Variants in LRMDA observed in about 807,000 individuals in gnomAD.
LRMDA encodes the protein leucine rich melanocyte differentiation associated, also known as leucine-rich melanocyte differentiation-associated protein.
LRMDA carries 18 observed loss-of-function variants against 29.8 expected under a neutral mutation model. That is an observed-to-expected ratio of 0.60 (90% CI 0.42 to 0.90). The LOEUF (loss-of-function observed/expected upper bound fraction) is 0.90. Ranked by LOEUF, LRMDA falls within the 40% of genes least tolerant of loss-of-function variation. The pLI is 0.00. For synonymous variants in LRMDA, 125 were observed against 109.4 expected (o/e 1.14, Z -0.89); for missense variants, 273 against 273.9 (o/e 1.00, Z 0.02).
At chr10:76,143,349 A>ATGTTT (rs1238355244) in intron 5 of LRMDA, among the ~76,000 whole-genome samples, 2 of 152,162 alleles carry the variant, frequency 1.3e-5, no homozygotes, top group Non-Finnish European at 2.9e-5. Flanking sequence ...TCTCTCCAGC[A>ATGTTT]CCTGTTGTTT....
chr10:75,807,142 G>T (rs922206620), intron 2 of LRMDA, among the ~76,000 whole-genome samples: 1 of 152,140 alleles, frequency 6.6e-6, no homozygotes, highest in African/African-American at 2.4e-5. Flanking sequence ...CTGGAGGTCG[G>T]TCCTGTTGCT....
intron 5 of LRMDA, among the ~76,000 whole-genome samples, chr10:76,121,494 A>G (rs1340590073): frequency 6.6e-6 from 1 of 152,222 alleles, no homozygotes; most frequent in Admixed American, 6.5e-5. Context: ...TCAGATGGGG[A>G]CATGGCCCTG....
Position 75,473,832 on chromosome 10 carries a change from G to A in LRMDA, c.131+35338G>A, listed in dbSNP as rs114466601. Among the ~76,000 whole-genome samples the A allele has an allele frequency of 7.5e-3, 1,146 of 152,320 alleles. 15 individuals carry two copies. Among genetic ancestry groups the A allele is most frequent in the African/African-American group, 0.026 (1,085 of 41,560 alleles). On this transcript the variant is annotated intron_variant, in intron 2 of 6. Transcript: ENST00000611255. ...TGGTCATCATCTCACCAGGGACCAA[G>A]GTGACTTTGCCCTAGAGCAGTGGTT...
chr10:75,507,110 C>CTTT (rs147220513), intron 2 of LRMDA, among the ~76,000 whole-genome samples: 6 of 144,340 alleles, frequency 4.2e-5, no homozygotes, highest in Admixed American at 6.9e-5. Flanking sequence ...GTTCTGGCAT[C>CTTT]TTTTTTTTTT....
chr10:75,660,360 A>G (rs1219898987), intron 2 of LRMDA, among the ~76,000 whole-genome samples: 1 of 152,200 alleles, frequency 6.6e-6, no homozygotes, highest in East Asian at 1.9e-4. Context: ...CGAATTAGAT[A>G]TGGATTGTAA....
chr10:76,057,073 A>G (rs1265706972), intron 4 of LRMDA, among the ~76,000 whole-genome samples: 1 of 152,158 alleles, frequency 6.6e-6, no homozygotes, highest in Non-Finnish European at 1.5e-5. Context: ...GTTCCAAGTA[A>G]CATCCTCACT....
chr10:75,493,353 GTGT>G (rs1564785193), intron 2 of LRMDA, among the ~76,000 whole-genome samples: 83 of 147,924 alleles, frequency 5.6e-4, no homozygotes, highest in African/African-American at 2.1e-3. Context: ...GATTGGGTGT[GTGT>G]GTGTGTGTGT....
At chr10:75,560,293 C>T (rs1040936112) in intron 2 of LRMDA, among the ~76,000 whole-genome samples, 4 of 152,044 alleles carry the variant, frequency 2.6e-5, no homozygotes, top group Non-Finnish European at 4.4e-5. Context: ...CTCTTTGAAA[C>T]AATTGTGAAT....
chr10:76,286,056 G>C (rs145787788), intron 5 of LRMDA, among the ~76,000 whole-genome samples: 1 of 152,266 alleles, frequency 6.6e-6, no homozygotes, highest in Non-Finnish European at 1.5e-5. Flanking sequence ...AGCAGTGTGG[G>C]TGTACAGCAG....
chr10:76,541,933 T>C (rs76694681), intron 6 of LRMDA, among the ~76,000 whole-genome samples: 1 of 152,236 alleles, frequency 6.6e-6, no homozygotes, highest in East Asian at 1.9e-4. Flanking sequence ...TCAGGGCAAG[T>C]TGAGTGTAAT....
At chr10:76,434,105 C>T (rs1247033499) in intron 6 of LRMDA, among the ~76,000 whole-genome samples, 1 of 152,062 alleles carries the variant, frequency 6.6e-6, no homozygotes, top group Non-Finnish European at 1.5e-5. Context: ...CGTTTTCTCT[C>T]CTAATTCATT....
intron 5 of LRMDA, among the ~76,000 whole-genome samples, chr10:76,299,599 C>CTTTTTTTT (rs369236399): frequency 1.0e-5 from 1 of 97,856 alleles, no homozygotes; most frequent in African/African-American, 4.7e-5. Flanking sequence ...ACCCCCCTTC[C>CTTTTTTTT]TTTCTTTTTT....
chr10:75,724,646 C>T (rs1842609080), intron 2 of LRMDA, among the ~76,000 whole-genome samples: 1 of 152,256 alleles, frequency 6.6e-6, no homozygotes, highest in Non-Finnish European at 1.5e-5. Flanking sequence ...TCAGTTGCCC[C>T]ATCTCTAAAT....
At chr10:75,986,986 C>A (rs1847272400) in intron 2 of LRMDA, among the ~76,000 whole-genome samples, 1 of 152,094 alleles carries the variant, frequency 6.6e-6, no homozygotes, top group African/African-American at 2.4e-5. Flanking sequence ...CCTCTCAGTT[C>A]TCCTTTCTGT....
At chr10:75,510,032 TG>T (rs768618635) in intron 2 of LRMDA, among the ~76,000 whole-genome samples, 5 of 152,224 alleles carry the variant, frequency 3.3e-5, no homozygotes, top group Non-Finnish European at 7.3e-5. Flanking sequence ...GCAGAGTACC[TG>T]GCACAGAAGA....
At chr10:75,573,632 T>C (rs1840464359) in intron 2 of LRMDA, among the ~76,000 whole-genome samples, 1 of 152,204 alleles carries the variant, frequency 6.6e-6, no homozygotes, top group Non-Finnish European at 1.5e-5. Flanking sequence ...TATTTATTCT[T>C]TTTAAAAATG....
At chr10:76,146,130 G>A (rs376050547) in intron 5 of LRMDA, among the ~76,000 whole-genome samples, 47 of 152,122 alleles carry the variant, frequency 3.1e-4, no homozygotes, top group Admixed American at 1.3e-3. Context: ...CAATTTTGGA[G>A]TAGGTGTGGT....
chr10:76,277,651 A>G (rs1242912687), intron 5 of LRMDA, among the ~76,000 whole-genome samples: 2 of 151,872 alleles, frequency 1.3e-5, no homozygotes, highest in East Asian at 1.9e-4. Context: ...CTCTCTGATC[A>G]TGTTTGAGTA....
At chr10:76,211,467 C>G (rs750974131) in intron 5 of LRMDA, among the ~76,000 whole-genome samples, 1 of 152,224 alleles carries the variant, frequency 6.6e-6, no homozygotes, top group Non-Finnish European at 1.5e-5. Flanking sequence ...TACTACACAT[C>G]CAATAGCATT....
Sources: allele counts gnomAD v4.1 joint callset (sites outside exome capture counted in the v4.1 genomes callset), GRCh38; gene constraint gnomAD v4.1.1; transcripts MANE v1.5; gene names NCBI Gene and HGNC (gene_info 2026-07-23, HGNC 2026-07-21).